ADAMTS17: variants seen among roughly 807,000 people sequenced by gnomAD.
The protein encoded by ADAMTS17 is A disintegrin and metalloproteinase with thrombospondin motifs 17.
ADAMTS17 carries 113 observed loss-of-function variants against 141.5 expected under a neutral mutation model. The observed-to-expected ratio is 0.80, with a 90% confidence interval of 0.69 to 0.93. The LOEUF (loss-of-function observed/expected upper bound fraction) is 0.93. Ranked by LOEUF, ADAMTS17 falls within the 40% of genes least tolerant of loss-of-function variation. The pLI, the probability that ADAMTS17 is intolerant of heterozygous loss-of-function variation, is 0.00. For missense variants in ADAMTS17, 1,659 were observed against 1,517.9 expected (o/e 1.09, Z -1.54); for synonymous variants, 768 against 630.6 (o/e 1.22, Z -3.27).
chr15:100,194,288 T>C (rs1005045105), intron 8 of ADAMTS17, among the ~76,000 whole-genome samples: 8 of 152,246 alleles, frequency 5.3e-5, no homozygotes, highest in Admixed American at 3.9e-4. Flanking sequence ...CTTGGTTCTG[T>C]GCCCTCCTGC....
chr15:100,291,988 G>C (rs2044638241), intron 3 of ADAMTS17, among the ~76,000 whole-genome samples: 3 of 152,250 alleles, frequency 2.0e-5, no homozygotes, highest in Non-Finnish European at 4.4e-5. Flanking sequence ...CAACACGGTA[G>C]CTCTCGTGAT....
chr15:100,086,789 C>G (rs576282774), intron 15 of ADAMTS17, among the ~76,000 whole-genome samples: 3 of 149,042 alleles, frequency 2.0e-5, no homozygotes, highest in African/African-American at 7.6e-5. Flanking sequence ...TTCTTTGAAA[C>G]CAATGAGAAC....
Position 100,232,316 on chromosome 15 carries a change from C to G in ADAMTS17, c.1075+21820G>C, listed in dbSNP as rs2042509446. On this transcript the variant is annotated intron_variant, in intron 7 of 21. Transcript: ENST00000268070. ...AGGGTGGGAGGTGGGCTTCCCCCTG[C>G]CAGCACCTCCCCAACTCCTCTCCTT... Among the ~76,000 whole-genome samples, 10 of 152,238 alleles carry G rather than the reference C, an allele frequency of 6.6e-5. No homozygotes were observed. In the South Asian group the frequency reaches 2.1e-3, roughly 31 times the overall value.
intron 19 of ADAMTS17, among the ~76,000 whole-genome samples, chr15:99,996,902 G>A (rs992614322): frequency 5.9e-5 from 9 of 152,114 alleles, no homozygotes; most frequent in Non-Finnish European, 1.2e-4. Context: ...TAAGACTTAA[G>A]GCTTAATCCA....
In ADAMTS17 at chr15:100,096,421, A is replaced by G; in HGVS notation, c.2072T>C (p.Val691Ala). ...GSAAKEDRCG[V>A]CSGDGKTCHL... ...GCAGGTCTTGCCGTCCCCGCTGCAG[A>G]CCCCGCATCTGTCCTCTTTGGCTGC... Residue 691 changes from valine (V) to alanine (A), a missense_variant, in exon 15 of 22, where the codon GTC becomes GCC. By Grantham distance (64) the Val-to-Ala change is moderately conservative. Transcript: ENST00000268070. 4 of 1,613,890 alleles carry G rather than the reference A, an allele frequency of 2.5e-6. No homozygotes were observed. Among genetic ancestry groups the G allele is most frequent in the Non-Finnish European group, 3.4e-6 (4 of 1,179,992 alleles).
At chr15:100,250,188 C>A (rs1271586749) in intron 7 of ADAMTS17, among the ~76,000 whole-genome samples, 1 of 152,216 alleles carries the variant, frequency 6.6e-6, no homozygotes, top group Non-Finnish European at 1.5e-5. Context: ...AAAAATCCAT[C>A]AAGTTTTGCC....
chr15:100,313,100 A>C (rs1432307730), intron 3 of ADAMTS17, among the ~76,000 whole-genome samples: 5 of 152,214 alleles, frequency 3.3e-5, no homozygotes, highest in African/African-American at 1.2e-4. Flanking sequence ...ACCTCTACAA[A>C]ACCAATAGCT....
chr15:100,132,207 C>A, intron 11 of ADAMTS17, 55 bp from the exon 12 acceptor site: 1 of 1,585,964 alleles, frequency 6.3e-7, no homozygotes, highest in Non-Finnish European at 8.6e-7. Flanking sequence ...CTGCTCACTC[C>A]AGCCCGCCAG....
At chr15:100,281,511 G>A in intron 3 of ADAMTS17, 110 bp from the exon 4 acceptor site, 1 of 1,364,118 alleles carries the variant, frequency 7.3e-7, no homozygotes, top group Non-Finnish European at 1.0e-6. Flanking sequence ...AGTCTCGACA[G>A]GCCTAGAGGG....
chr15:100,181,855 C>A (rs1204803428), intron 8 of ADAMTS17, among the ~76,000 whole-genome samples: 2 of 152,222 alleles, frequency 1.3e-5, no homozygotes, highest in Non-Finnish European at 2.9e-5. Flanking sequence ...CCCCCCAAGT[C>A]CACTGGCTCC....
At chr15:100,056,760 C>G (rs1032634852) in intron 15 of ADAMTS17, among the ~76,000 whole-genome samples, 4 of 152,116 alleles carry the variant, frequency 2.6e-5, no homozygotes, top group African/African-American at 9.7e-5. Flanking sequence ...GTTGGGGGAA[C>G]AGCAGATGTA....
chr15:100,210,308 A>G (rs917411596), intron 7 of ADAMTS17, among the ~76,000 whole-genome samples: 2 of 151,276 alleles, frequency 1.3e-5, no homozygotes, highest in African/African-American at 4.9e-5. Flanking sequence ...GCGGCTGCTG[A>G]TCAACACTAA....
chr15:100,272,988 C>A (rs1459207908), intron 4 of ADAMTS17, among the ~76,000 whole-genome samples: 1 of 152,006 alleles, frequency 6.6e-6, no homozygotes, highest in Non-Finnish European at 1.5e-5. Flanking sequence ...AAGTATATCA[C>A]TTTTTTTATT....
At chr15:100,298,983 G>A (rs1356669792) in intron 3 of ADAMTS17, among the ~76,000 whole-genome samples, 1 of 152,144 alleles carries the variant, frequency 6.6e-6, no homozygotes, top group Non-Finnish European at 1.5e-5. Flanking sequence ...GCTTGTAGGT[G>A]GCTGTCACCT....
intron 15 of ADAMTS17, among the ~76,000 whole-genome samples, chr15:100,068,813 G>C (rs563044195): frequency 1.5e-4 from 23 of 152,316 alleles, no homozygotes; most frequent in Admixed American, 3.9e-4. Flanking sequence ...AAACAGAGCA[G>C]AAAAACTGGA....
chr15:100,163,642 C>T (rs957568993), intron 8 of ADAMTS17, among the ~76,000 whole-genome samples: 5 of 152,198 alleles, frequency 3.3e-5, no homozygotes, highest in East Asian at 1.9e-4. Flanking sequence ...CACGCCACCA[C>T]GCTTGGCTAG....
intron 15 of ADAMTS17, among the ~76,000 whole-genome samples, chr15:100,082,611 GTCATAT>G (rs1282880504): frequency 1.3e-5 from 2 of 151,756 alleles, no homozygotes; most frequent in Admixed American, 6.6e-5. Flanking sequence ...TGGTCTGATA[GTCATAT>G]TTTTAATTTT....
chr15:100,293,098 G>T (rs564622208), intron 3 of ADAMTS17, among the ~76,000 whole-genome samples: 1 of 152,222 alleles, frequency 6.6e-6, no homozygotes, highest in Admixed American at 6.5e-5. Context: ...GGGAATTCCA[G>T]AAAGTGTTCA....
Position 99,976,176 on chromosome 15 carries a change from C to T in ADAMTS17, c.2996G>A (p.Cys999Tyr), listed in dbSNP as rs1307947703. ...GTGGCGCCCTGTGACCTTGTGCATGCACTGCACCACCCGGGACTGCAGGCC... is the reference window on the plus strand; with the variant it reads ...GTGGCGCCCTGTGACCTTGTGCATGTACTGCACCACCCGGGACTGCAGGCC... ...GKGLQSRVVQ[C>Y]MHKVTGRHGS... The change falls in exon 21 of 22, where the codon TGC becomes TAC. Residue 999 changes from cysteine to tyrosine, a missense_variant. By Grantham distance (194) the Cys-to-Tyr change is radical. Coordinates refer to ENST00000268070, the MANE Select transcript of ADAMTS17 (RefSeq NM_139057.4). 2.6e-6 allele frequency: 4 copies of T among 1,550,042 alleles called. No individual in the cohort carries two copies. In the South Asian group the frequency reaches 3.6e-5, roughly 14 times the overall value.
Sources: gnomAD v4.1 joint callset for allele counts (sites outside exome capture counted in the v4.1 genomes callset) on GRCh38, gnomAD v4.1.1 for gene constraint, MANE v1.5 for transcripts, NCBI Gene and HGNC (gene_info 2026-07-23, HGNC 2026-07-21) for gene names.